Variants in DMRT1 observed in about 807,000 individuals in gnomAD.
The protein encoded by DMRT1 is doublesex and mab-3 related transcription factor 1.
In DMRT1, 7 loss-of-function variants were observed where a neutral mutation model predicts 32.3. The ratio of observed to expected loss-of-function variants is 0.22; its 90% CI spans 0.12 to 0.41. The LOEUF is 0.41. Among genes scored for constraint, DMRT1 ranks in the 10% least tolerant of loss-of-function variants. The pLI, the probability that DMRT1 is intolerant of heterozygous loss-of-function variation, is 1.00. For missense variants in DMRT1, 625 were observed against 500.5 expected (o/e 1.25, Z -2.37); for synonymous variants, 278 against 206.1 (o/e 1.35, Z -2.99).
chr9:940,487 G>T (rs1171291610), intron 4 of DMRT1, among the ~76,000 whole-genome samples: 1 of 145,818 alleles, frequency 6.9e-6, no homozygotes, highest in Non-Finnish European at 1.5e-5. Context: ...AGGAAAACTG[G>T]CTATCCACAT....
intron 2 of DMRT1, among the ~76,000 whole-genome samples, chr9:847,826 G>T (rs1247944760): frequency 6.6e-6 from 1 of 152,152 alleles, no homozygotes; most frequent in Non-Finnish European, 1.5e-5. Context: ...AGCCACATGT[G>T]GCTTTTTAAA....
chr9:859,134 A>T (rs191880013), intron 2 of DMRT1, among the ~76,000 whole-genome samples: 114 of 152,186 alleles, frequency 7.5e-4, no homozygotes, highest in African/African-American at 2.6e-3. Context: ...GACTCACATG[A>T]GTTACGATGA....
Position 842,960 on chromosome 9 carries a change from G to A in DMRT1, c.354+768G>A, listed in dbSNP as rs560058358. On this transcript the variant is annotated intron_variant, in intron 1 of 4. Coordinates refer to ENST00000382276, the MANE Select transcript of DMRT1 (RefSeq NM_021951.3). ...CTTCGCTCCCGCCCTCCGAGGTGAGGCTAGAGGGGAGGGTTCGACTCCAAG... is the reference window on the plus strand; with the variant it reads ...CTTCGCTCCCGCCCTCCGAGGTGAGACTAGAGGGGAGGGTTCGACTCCAAG... 2.0e-5 allele frequency: 3 copies of A among 152,308 alleles called. No individual in the cohort carries two copies. In the East Asian group the frequency reaches 5.8e-4, roughly 30 times the overall value. The allele number at this position is 152,308 out of a possible 1,614,324, so 9.4% of individuals were successfully genotyped here. A position where few individuals can be genotyped will look rare whatever the true frequency, so the allele number is the denominator to read the frequency against.
Position 954,790 on chromosome 9 carries a change from T to C in DMRT1, c.968-13195T>C, listed in dbSNP as rs145111127. 4.0e-3 allele frequency among the ~76,000 whole-genome samples: 608 copies of C among 151,816 alleles called. 4 individuals carry two copies. Among genetic ancestry groups the C allele is most frequent in the Non-Finnish European group, 6.5e-3 (440 of 67,960 alleles). ...CCTAGTAGCTGGGATTACAGGTGCG[T>C]GCCACCACGCCCAGATAATTTTTGT... On this transcript the variant is annotated intron_variant, in intron 4 of 4. Transcript: ENST00000382276.
chr9:929,762 G>A (rs150275969), intron 4 of DMRT1, among the ~76,000 whole-genome samples: 3 of 152,112 alleles, frequency 2.0e-5, no homozygotes, highest in Non-Finnish European at 4.4e-5. Context: ...TGCAGGGTCA[G>A]TTCCTCAATA....
intron 2 of DMRT1, among the ~76,000 whole-genome samples, chr9:861,020 A>C (rs1815634723): frequency 6.6e-6 from 1 of 150,866 alleles, no homozygotes; most frequent in African/African-American, 2.4e-5. Context: ...TAACTATTAA[A>C]GCAGTGAATG....
chr9:944,577 C>T lies in DMRT1; in HGVS notation c.968-23408C>T, dbSNP rs371960418. 4.8e-4 allele frequency among the ~76,000 whole-genome samples: 73 copies of T among 152,236 alleles called. No individual in the cohort carries two copies. In the South Asian group the frequency reaches 0.013, roughly 27 times the overall value. On this transcript the variant is annotated intron_variant, in intron 4 of 4. Coordinates refer to ENST00000382276, the MANE Select transcript of DMRT1 (RefSeq NM_021951.3). ...AGATGGATATTTAATTCTGAAGAAA[C>T]GGATCTTTAATGGTGGAATTTCAGA...
Position 860,239 on chromosome 9 carries a change from G to A in DMRT1, c.538+13096G>A, listed in dbSNP as rs866873724. On this transcript the variant is annotated intron_variant, in intron 2 of 4. Coordinates refer to ENST00000382276, the MANE Select transcript of DMRT1 (RefSeq NM_021951.3). ...TTGAACCCTGGAGGCGGAGGTTGCA[G>A]GGAGCCGAGATCGTGCCATTGTACT... 2.0e-5 allele frequency among the ~76,000 whole-genome samples: 3 copies of A among 152,314 alleles called. No homozygotes were observed. In the East Asian group the frequency reaches 5.8e-4, roughly 29 times the overall value.
chr9:866,291 C>G (rs1380194473), intron 2 of DMRT1, among the ~76,000 whole-genome samples: 1 of 151,192 alleles, frequency 6.6e-6, no homozygotes, highest in Non-Finnish European at 1.5e-5. Context: ...ATTTAGAAAT[C>G]GTCAGGACAT....
Position 906,701 on chromosome 9 carries a change from CA to C in DMRT1, c.823-10053del, listed in dbSNP as rs1057450525. ...GCATCATTTCTCATTTTCAGACAAT[CA>C]AAAAAAAAGTTTATTTGCTCCAGAA... On this transcript the variant is annotated intron_variant, in intron 3 of 4. Transcript: ENST00000382276. Among the ~76,000 whole-genome samples, 11 of 150,892 alleles carry C rather than the reference CA, an allele frequency of 7.3e-5. No homozygotes were observed. In the East Asian group the frequency reaches 1.7e-3, roughly 24 times the overall value.
intron 3 of DMRT1, among the ~76,000 whole-genome samples, chr9:908,550 T>C (rs1817861230): frequency 6.6e-6 from 1 of 152,204 alleles, no homozygotes; most frequent in Non-Finnish European, 1.5e-5. Context: ...TTTATATCCT[T>C]GTGTTCAATT....
At chr9:876,391 C>T (rs1429208175) in intron 2 of DMRT1, among the ~76,000 whole-genome samples, 1 of 152,142 alleles carries the variant, frequency 6.6e-6, no homozygotes, top group Non-Finnish European at 1.5e-5. Flanking sequence ...GGGGAAAAGG[C>T]CTAGACCATC....
chr9:894,325 G>C, intron 3 of DMRT1, 130 bp downstream of exon 3: 2 of 962,026 alleles, frequency 2.1e-6, no homozygotes, highest in Admixed American at 3.5e-5. Context: ...GACACACACA[G>C]GTACACACAC....
intron 4 of DMRT1, among the ~76,000 whole-genome samples, chr9:954,117 T>C (rs1457490013): frequency 1.3e-5 from 2 of 152,048 alleles, no homozygotes; most frequent in Admixed American, 1.3e-4. Flanking sequence ...TGTGCAGGCA[T>C]CTGGAGCAGG....
Position 879,229 on chromosome 9 carries a change from A to T in DMRT1, c.539-14683A>T, listed in dbSNP as rs78031722. Among the ~76,000 whole-genome samples the T allele has an allele frequency of 7.8e-3, 1,180 of 152,240 alleles. 17 individuals carry two copies. The highest frequency in any genetic ancestry group is 0.027 in the African/African-American group (1,127 of 41,540). On this transcript the variant is annotated intron_variant, in intron 2 of 4. Transcript: ENST00000382276. ...TCTACAACCTTAAAAAGTATTGAGG[A>T]CCTCAAGAGCTTTTATTTATGTGGG...
chr9:856,185 G>A (rs7046081), intron 2 of DMRT1, among the ~76,000 whole-genome samples: 64,253 of 151,808 alleles, frequency 0.42, 13,741 homozygotes, highest in East Asian at 0.59. Context: ...CCAAAGTGCT[G>A]GGATTACAGG....
chr9:849,814 GCTCT>G (rs60583253), intron 2 of DMRT1, among the ~76,000 whole-genome samples: 20,198 of 148,082 alleles, frequency 0.14, 1,738 homozygotes, highest in East Asian at 0.43. Flanking sequence ...AGGACGATGG[GCTCT>G]CTCTCTCTCT....
At chr9:908,500 T>C (rs1817859612) in intron 3 of DMRT1, among the ~76,000 whole-genome samples, 1 of 152,118 alleles carries the variant, frequency 6.6e-6, no homozygotes, top group Non-Finnish European at 1.5e-5. Flanking sequence ...TTCTCTTCCA[T>C]GCCCTCTCCA....
At chr9:905,092 T>G (rs1441518558) in intron 3 of DMRT1, among the ~76,000 whole-genome samples, 2 of 152,216 alleles carry the variant, frequency 1.3e-5, no homozygotes, top group African/African-American at 2.4e-5. Context: ...AACTATTGTT[T>G]AGAATTTCCA....
Sources: allele counts gnomAD v4.1 joint callset (sites outside exome capture counted in the v4.1 genomes callset), GRCh38; gene constraint gnomAD v4.1.1; transcripts MANE v1.5; gene names NCBI Gene and HGNC (gene_info 2026-07-23, HGNC 2026-07-21).